The following ARHGEF10L variants were observed in gnomAD, a reference collection of about 807,000 sequenced individuals.
ARHGEF10L encodes rho guanine nucleotide exchange factor 10-like protein.
ARHGEF10L carries 69 observed loss-of-function variants against 141.2 expected under a neutral mutation model. The ratio of observed to expected loss-of-function variants is 0.49; its 90% confidence interval spans 0.40 to 0.60. The LOEUF is 0.60. Among genes scored for constraint, ARHGEF10L ranks in the 20% least tolerant of loss-of-function variants. The probability of loss-of-function intolerance (pLI) is 0.00; values close to 1 mark genes in which losing one functional copy is unlikely to be tolerated. For synonymous variants in ARHGEF10L, 711 were observed against 718.5 expected (o/e 0.99, Z 0.17); for missense variants, 1,482 against 1,734.3 (o/e 0.85, Z 2.58).
At chr1:17,694,775 T>C in intron 27 of ARHGEF10L, 1 of 379,164 alleles carries the variant, frequency 2.6e-6, no homozygotes, top group Admixed American at 3.3e-5. Context: ...TTCCCTGGTT[T>C]TGCTCGTAGC....
Position 17,603,053 on chromosome 1 carries a change from C to T in ARHGEF10L, c.350-455C>T, listed in dbSNP as rs1273157353. 6.6e-6 allele frequency among the ~76,000 whole-genome samples: 1 copy of T among 151,990 alleles called. No individual in the cohort carries two copies. Among genetic ancestry groups the T allele is most frequent in the Non-Finnish European group, 1.5e-5 (1 of 67,980 alleles). ...CACAGGCCAGTGGGTCTCGTGACTTCTTCCTGGAAGGCCTGTGGGTCAAGG... is the reference window on the plus strand; with the variant it reads ...CACAGGCCAGTGGGTCTCGTGACTTTTTCCTGGAAGGCCTGTGGGTCAAGG... On this transcript the variant is annotated intron_variant, in intron 5 of 28. Transcript: ENST00000361221. This position sits in a 1 kb window ranked among gnomAD's most constrained non-coding sequence, Gnocchi z 4.8.
intron 26 of ARHGEF10L, among the ~76,000 whole-genome samples, chr1:17,677,479 C>T (rs1457951506): frequency 6.6e-6 from 1 of 152,252 alleles, no homozygotes; most frequent in East Asian, 1.9e-4. Flanking sequence ...CTCTTCCAGG[C>T]CTTCTGGCCC....
the ARHGEF10L span, among the ~76,000 whole-genome samples, chr1:17,528,618 A>G: frequency 2.0e-5 from 3 of 152,086 alleles, no homozygotes; most frequent in Non-Finnish European, 4.4e-5. Context: ...ATTTTCATCC[A>G]TCCATCCATC....
Position 17,639,937 on chromosome 1 carries a change from C to T in ARHGEF10L, c.2172-265C>T. On this transcript the variant is annotated intron_variant, in intron 20 of 28. Coordinates refer to ENST00000361221, the MANE Select transcript of ARHGEF10L (RefSeq NM_018125.4). The surrounding 1 kb of genome is among the most constrained non-coding windows in gnomAD (Gnocchi z 4.3). The stretch of plus-strand genomic sequence containing the variant: ...GCTCTGCCGGGCACAAAGCCAGAGG[C>T]TCCTGGAGCCAGGCTGGGGAGCGTG... The T allele has an allele frequency of 3.4e-6, 5 of 1,476,388 alleles. No homozygotes were observed. Among genetic ancestry groups the T allele is most frequent in the Non-Finnish European group, 4.5e-6 (5 of 1,109,032 alleles). The allele number at this position is 1,476,388 out of a possible 1,614,324, so 91.5% of individuals were successfully genotyped here.
In ARHGEF10L at chr1:17,636,962, C is replaced by G. The variant is rs560098475; in HGVS notation, c.1928-926C>G. Among the ~76,000 whole-genome samples the G allele has an allele frequency of 2.8e-3, 429 of 152,194 alleles. 3 individuals carry two copies. Among genetic ancestry groups the G allele is most frequent in the Admixed American group, 7.2e-3 (110 of 15,292 alleles). On this transcript the variant is annotated intron_variant, in intron 18 of 28. Transcript: ENST00000361221. Reference sequence around the variant, plus strand: ...CCTGCTCTATCTCTACCTGCCACCCCCTACCCCCATCTCACCCTTACTCCA... The same window carrying G: ...CCTGCTCTATCTCTACCTGCCACCCGCTACCCCCATCTCACCCTTACTCCA...
rs1256798707 is a variant in ARHGEF10L at position 17,621,855 on chromosome 1, C to T, written c.943-9C>T. ...CATGTGCGCTGACCGTGCTTTTTGG[C>T]CCGAGCAGGTGGTCCGGAGGCATAT... is the stretch of plus-strand genomic sequence containing the variant. On this transcript the variant is annotated splice_polypyrimidine_tract_variant and intron_variant, in intron 10 of 28. Transcript: ENST00000361221. This position sits in a 1 kb window ranked among gnomAD's most constrained non-coding sequence, Gnocchi z 4.1. 1 of 1,613,950 alleles carries T rather than the reference C, an allele frequency of 6.2e-7. No individual in the cohort carries two copies. Among genetic ancestry groups the T allele is most frequent in the Non-Finnish European group, 8.5e-7 (1 of 1,179,942 alleles).
intron 16 of ARHGEF10L, among the ~76,000 whole-genome samples, chr1:17,633,229 C>T (rs953328930): frequency 6.6e-6 from 1 of 152,232 alleles, no homozygotes; most frequent in African/African-American, 2.4e-5. Flanking sequence ...GCTCGCATCC[C>T]CTGCTTGGTC....
intron 22 of ARHGEF10L, among the ~76,000 whole-genome samples, chr1:17,648,912 T>C (rs948102005): frequency 6.6e-6 from 1 of 152,226 alleles, no homozygotes; most frequent in African/African-American, 2.4e-5. Flanking sequence ...GAAAATTCCA[T>C]TATTTTGAGA....
the ARHGEF10L span, among the ~76,000 whole-genome samples, chr1:17,524,421 A>AC: frequency 3.1e-4 from 44 of 140,888 alleles, no homozygotes; most frequent in Admixed American, 1.1e-3. Context: ...ACACACACAC[A>AC]AAATTAGCCT....
chr1:17,687,608 C>T lies in ARHGEF10L; in HGVS notation c.3045C>T (p.Ser1015=), dbSNP rs116337569. 6.1e-5 allele frequency: 99 copies of T among 1,613,106 alleles called. No homozygotes were observed. The highest frequency in any genetic ancestry group is 7.9e-5 in the Non-Finnish European group (93 of 1,179,898). Residue 1015 remains serine, a synonymous_variant, in exon 27 of 29, where the codon AGC becomes AGT. Transcript: ENST00000361221. ...SFEAHQDEAV[S]VTHMVKAGSG... is the part of the protein sequence containing the mutation. ...AGGCGCACCAGGACGAGGCAGTGAG[C>T]GTGACACACATGGTGAAGGCGGGCA... is the stretch of plus-strand genomic sequence containing the variant.
At chr1:17,637,001 T>C (rs1252577823) in intron 18 of ARHGEF10L, among the ~76,000 whole-genome samples, 1 of 151,946 alleles carries the variant, frequency 6.6e-6, no homozygotes, top group East Asian at 1.9e-4. Flanking sequence ...GTATCATCAC[T>C]GGTGATCTGG....
intron 26 of ARHGEF10L, among the ~76,000 whole-genome samples, chr1:17,672,039 G>A (rs964075164): frequency 3.9e-5 from 6 of 152,106 alleles, no homozygotes; most frequent in Non-Finnish European, 5.9e-5. Flanking sequence ...AAGCGCGTGC[G>A]GTCAGCAATC....
Position 17,623,302 on chromosome 1 carries a change from G to A in ARHGEF10L, c.1200+127G>A, listed in dbSNP as rs1479046571. On this transcript the variant is annotated intron_variant, in intron 12 of 28. Coordinates refer to ENST00000361221, the MANE Select transcript of ARHGEF10L (RefSeq NM_018125.4). The surrounding 1 kb of genome is among the most constrained non-coding windows in gnomAD (Gnocchi z 4.7). ...TTGTTCAAGTCAGTGGGATTAGAGG[G>A]TGGCAGGGTCTTCTGGGCCTGATCT... is the stretch of plus-strand genomic sequence containing the variant. 4.3e-6 allele frequency: 5 copies of A among 1,174,224 alleles called. No homozygotes were observed. The allele number at this position is 1,174,224 out of a possible 1,614,324, so 72.7% of individuals were successfully genotyped here.
chr1:17,552,420 G>C (rs1314350932), intron 1 of ARHGEF10L, among the ~76,000 whole-genome samples: 1 of 151,608 alleles, frequency 6.6e-6, no homozygotes, highest in Non-Finnish European at 1.5e-5. Context: ...TTTCTTTTGA[G>C]ATAGAATCTC....
chr1:17,601,061 A>AC (rs1557788940), intron 4 of ARHGEF10L, among the ~76,000 whole-genome samples: 1,719 of 148,008 alleles, frequency 0.012, 50 homozygotes, highest in African/African-American at 0.042. Flanking sequence ...AAAAAAAAAA[A>AC]AAAAAAACAA....
intron 21 of ARHGEF10L, among the ~76,000 whole-genome samples, chr1:17,647,306 A>C (rs1156520879): frequency 6.6e-6 from 1 of 152,192 alleles, no homozygotes; most frequent in African/African-American, 2.4e-5. Context: ...CTGTGGAGTG[A>C]AAATAATGAT....
At chr1:17,684,894 C>T (rs1011329407) in intron 26 of ARHGEF10L, among the ~76,000 whole-genome samples, 1 of 152,162 alleles carries the variant, frequency 6.6e-6, no homozygotes, top group Non-Finnish European at 1.5e-5. Context: ...CCTTGCTACT[C>T]GCAGCTCAGC....
intron 4 of ARHGEF10L, among the ~76,000 whole-genome samples, chr1:17,591,272 T>C (rs2079514036): frequency 6.6e-6 from 1 of 152,224 alleles, no homozygotes; most frequent in Non-Finnish European, 1.5e-5. Context: ...AAACAGGGTC[T>C]CACTCTGTTG....
chr1:17,648,405 T>C (rs1235334220), intron 21 of ARHGEF10L, 149 bp from the exon 22 acceptor site: 5 of 1,003,186 alleles, frequency 5.0e-6, no homozygotes, highest in Non-Finnish European at 7.1e-6. Context: ...GGATTTCATC[T>C]CAGTCCGGCA....
Sources: gnomAD v4.1 joint callset for allele counts (sites outside exome capture counted in the v4.1 genomes callset) on GRCh38, gnomAD v4.1.1 for gene constraint, Gnocchi (gnomAD v3.1) non-coding constraint, MANE v1.5 for transcripts, NCBI Gene and HGNC (gene_info 2026-07-23, HGNC 2026-07-21) for gene names.